The following STAU1 variants were observed in gnomAD, a reference collection of about 807,000 sequenced individuals.
The protein encoded by STAU1 is double-stranded RNA-binding protein Staufen homolog 1.
A neutral mutation model predicts 62.9 loss-of-function variants in STAU1; 13 were observed. The observed-to-expected ratio is 0.21, with a 90% confidence interval of 0.13 to 0.33. The LOEUF (loss-of-function observed/expected upper bound fraction) is 0.33, where lower values mean the gene tolerates loss of function less well. Among genes scored for constraint, STAU1 ranks in the 10% least tolerant of loss-of-function variants. The pLI is 1.00. For missense variants in STAU1, 571 were observed against 712.1 expected (o/e 0.80, Z 2.25); for synonymous variants, 269 against 265.1 (o/e 1.01, Z -0.14).
chr20:49,182,046 AG>A lies in STAU1; in HGVS notation c.-160+6069del, dbSNP rs578202517. On this transcript the variant is annotated intron_variant, in intron 1 of 13. Transcript: ENST00000371856. ...ATGGGTTACAGATTTGATATTCAGA[AG>A]ACTAATTTTTAATCGAAAGCAAACA... Among the ~76,000 whole-genome samples the A allele has an allele frequency of 2.3e-4, 35 of 152,318 alleles. 1 individual carries two copies. In the South Asian group the frequency reaches 6.6e-3, roughly 29 times the overall value.
Position 49,114,609 on chromosome 20 carries a change from GCT to G in STAU1, c.*267_*268del. The G allele has an allele frequency of 2.2e-6, 1 of 455,594 alleles. No homozygotes were observed. The highest frequency in any genetic ancestry group is 4.0e-6 in the Non-Finnish European group (1 of 252,528). The allele number at this position is 455,594 out of a possible 1,614,324, so 28.2% of individuals were successfully genotyped here. ...GCTGGTGTCCCGGGAGAACCAGCTG[GCT>G]GGGCAGCCCTTCTTCCCCACAGGCA... On this transcript the variant is annotated 3_prime_UTR_variant, in exon 14 of 14. Transcript: ENST00000371856.
the STAU1 span, among the ~76,000 whole-genome samples, chr20:49,197,453 G>A: frequency 6.8e-6 from 1 of 148,106 alleles, no homozygotes; most frequent in East Asian, 2.0e-4. Context: ...CCAGACTGGA[G>A]TGCAGTGGCG....
upstream of STAU1, among the ~76,000 whole-genome samples, chr20:49,189,399 C>A (rs1021618072): frequency 6.6e-6 from 1 of 151,234 alleles, no homozygotes; most frequent in Admixed American, 6.6e-5. Flanking sequence ...CTTTGGGAGG[C>A]CGAGGTGGGC....
chr20:49,114,629 C>T lies in STAU1; in HGVS notation c.*249G>A, dbSNP rs2092268421. The T allele has an allele frequency of 4.4e-6, 2 of 454,908 alleles. No individual in the cohort carries two copies. The highest frequency in any genetic ancestry group is 8.0e-6 in the Non-Finnish European group (2 of 251,018). 28.2% of individuals were successfully genotyped at this position (454,908 alleles called of 1,614,324 possible). ...AGCTGGCTGGGCAGCCCTTCTTCCC[C>T]ACAGGCAGCTGCTATTGCGTAGGGA... On this transcript the variant is annotated 3_prime_UTR_variant, in exon 14 of 14. Transcript: ENST00000371856.
rs2093314555 is a variant in STAU1 at position 49,154,042 on chromosome 20, C to T, written c.235G>A (p.Ala79Thr). 6.8e-6 allele frequency: 11 copies of T among 1,610,534 alleles called. No individual in the cohort carries two copies. The highest frequency in any genetic ancestry group is 9.3e-6 in the Non-Finnish European group (11 of 1,179,144). ...ESITPTVELN[A>T]LCMKLGKKPM... is the part of the protein sequence containing the mutation. Reference sequence around the variant, plus strand: ...TTTTTTCCAAGTTTCATGCACAGTGCATTTAGTTCTACAGTAGGGGTTATG... The same window carrying T: ...TTTTTTCCAAGTTTCATGCACAGTGTATTTAGTTCTACAGTAGGGGTTATG... The change falls in exon 4 of 14, where the codon GCA becomes ACA. Residue 79 changes from alanine to threonine, a missense_variant. Physicochemically the swap from Ala to Thr is moderately conservative, Grantham distance 58 (BLOSUM62 0). Coordinates refer to ENST00000371856, the MANE Select transcript of STAU1 (RefSeq NM_017453.4).
At chr20:49,178,709 T>G (rs1366336959) in intron 1 of STAU1, among the ~76,000 whole-genome samples, 1 of 145,292 alleles carries the variant, frequency 6.9e-6, no homozygotes, top group Non-Finnish European at 1.5e-5. Flanking sequence ...TGAGATTGGG[T>G]CACTGCACTC....
chr20:49,134,929 C>A, intron 6 of STAU1: 2 of 1,596,762 alleles, frequency 1.3e-6, no homozygotes, highest in Non-Finnish European at 1.7e-6. Flanking sequence ...AAGTTTTCGA[C>A]CCTAAGAATG....
chr20:49,182,585 T>C (rs906551309), intron 1 of STAU1, among the ~76,000 whole-genome samples: 13 of 152,228 alleles, frequency 8.5e-5, no homozygotes, highest in African/African-American at 3.1e-4. Context: ...ACGCCTGTAA[T>C]CCCAGCACTT....
At chr20:49,161,346 A>G (rs1477428560) in intron 3 of STAU1, among the ~76,000 whole-genome samples, 1 of 152,176 alleles carries the variant, frequency 6.6e-6, no homozygotes, top group Non-Finnish European at 1.5e-5. Flanking sequence ...CAAATATTCC[A>G]AAAAGCAACA....
chr20:49,145,548 T>G (rs1333716078), intron 5 of STAU1, among the ~76,000 whole-genome samples: 2 of 147,712 alleles, frequency 1.4e-5, no homozygotes, highest in Non-Finnish European at 3.0e-5. Context: ...CTGGCCAACA[T>G]GGTGAAACCC....
intron 5 of STAU1, among the ~76,000 whole-genome samples, chr20:49,140,513 C>T (rs1416787802): frequency 1.3e-5 from 2 of 151,830 alleles, no homozygotes; most frequent in African/African-American, 4.8e-5. Context: ...ATAACAGAGA[C>T]GAACCTTGAA....
chr20:49,178,055 T>C (rs919550660), intron 1 of STAU1, among the ~76,000 whole-genome samples: 1 of 152,010 alleles, frequency 6.6e-6, no homozygotes, highest in Non-Finnish European at 1.5e-5. Flanking sequence ...CATGCACCTG[T>C]AGTCTCAGCT....
chr20:49,165,002 T>C (rs1293561012), intron 3 of STAU1, among the ~76,000 whole-genome samples: 1 of 152,144 alleles, frequency 6.6e-6, no homozygotes, highest in Non-Finnish European at 1.5e-5. Context: ...AAGGCTTATG[T>C]AGATTTAAGA....
intron 6 of STAU1, among the ~76,000 whole-genome samples, chr20:49,125,768 A>AGCTT (rs2092598366): frequency 6.6e-6 from 1 of 151,956 alleles, no homozygotes; most frequent in African/African-American, 2.4e-5. Context: ...GAATGGCGTG[A>AGCTT]ACCTGGGAGG....
chr20:49,173,780 G>A (rs1908580068), intron 2 of STAU1, among the ~76,000 whole-genome samples: 1 of 152,188 alleles, frequency 6.6e-6, no homozygotes, highest in South Asian at 2.1e-4. Flanking sequence ...AACGAAGCTT[G>A]ATTCGTAACC....
chr20:49,161,040 C>A lies in STAU1; in HGVS notation c.205+4957G>T, dbSNP rs530406048. Reference sequence around the variant, plus strand: ...TGGAGTTTTAAAAGCAAAATATGGCCAGGCGGGGTGGCTAACACCTGTAAT... The same window carrying A: ...TGGAGTTTTAAAAGCAAAATATGGCAAGGCGGGGTGGCTAACACCTGTAAT... On this transcript the variant is annotated intron_variant, in intron 3 of 13. Transcript: ENST00000371856. 4.3e-4 allele frequency among the ~76,000 whole-genome samples: 66 copies of A among 152,096 alleles called. No individual in the cohort carries two copies. In the South Asian group the frequency reaches 6.2e-3, roughly 14 times the overall value.
intron 3 of STAU1, chr20:49,158,454 C>G: frequency 7.7e-7 from 1 of 1,304,684 alleles, no homozygotes; most frequent in Non-Finnish European, 1.0e-6. Flanking sequence ...GCTGATTTTT[C>G]TTGTAGGTCT....
chr20:49,136,836 T>C (rs987521436), intron 5 of STAU1, among the ~76,000 whole-genome samples: 8 of 152,180 alleles, frequency 5.3e-5, no homozygotes, highest in African/African-American at 1.9e-4. Flanking sequence ...TAGCTGGGAT[T>C]GCAGGCATGC....
intron 5 of STAU1, among the ~76,000 whole-genome samples, chr20:49,145,219 T>C (rs563881454): frequency 5.1e-4 from 59 of 115,948 alleles, no homozygotes; most frequent in African/African-American, 1.9e-3. Context: ...AGGTCAGGAG[T>C]TCGAGATGAG....
Sources: gnomAD v4.1 joint callset for allele counts (sites outside exome capture counted in the v4.1 genomes callset) on GRCh38, gnomAD v4.1.1 for gene constraint, MANE v1.5 for transcripts, NCBI Gene and HGNC (gene_info 2026-07-23, HGNC 2026-07-21) for gene names.